Variants in ABTB2 observed in about 807,000 individuals in gnomAD.
The protein encoded by ABTB2 is ankyrin repeat and BTB domain containing 2, also known as ankyrin repeat and BTB/POZ domain-containing protein 2.
In ABTB2, 56 loss-of-function variants were observed where a neutral mutation model predicts 104.1. That is an observed-to-expected ratio of 0.54 (90% CI 0.43 to 0.67). The LOEUF (loss-of-function observed/expected upper bound fraction) is 0.67. Among genes scored for constraint, ABTB2 ranks in the 30% least tolerant of loss-of-function variants. The pLI is 0.00. For synonymous variants in ABTB2, 606 were observed against 608.2 expected, an observed-to-expected ratio of 1.00 and a Z score of 0.05; for missense variants, 1,279 against 1,407.7, an observed-to-expected ratio of 0.91 and a Z score of 1.46.
In ABTB2 at chr11:34,298,786, TTTTA is replaced by T. The variant is rs199569446; in HGVS notation, c.883+57911_883+57914del. On this transcript the variant is annotated intron_variant, in intron 1 of 16. Coordinates refer to ENST00000435224, the MANE Select transcript of ABTB2 (RefSeq NM_145804.3). Reference sequence around the variant, plus strand: ...CTAAACCCATTACTTTTAAAAGTCATTTTATTTGTGATCTTCTCATAAAAAACTG... The same window carrying T: ...CTAAACCCATTACTTTTAAAAGTCATTTTGTGATCTTCTCATAAAAAACTG... 6.8e-3 allele frequency among the ~76,000 whole-genome samples: 1,038 copies of T among 152,300 alleles called. 13 individuals are homozygous for T. Among genetic ancestry groups the T allele is most frequent in the African/African-American group, 0.024 (977 of 41,574 alleles).
intron 1 of ABTB2, among the ~76,000 whole-genome samples, chr11:34,212,449 CA>C (rs1182117845): frequency 1.3e-5 from 2 of 152,194 alleles, no homozygotes; most frequent in African/African-American, 2.4e-5. Context: ...GATGAACGAG[CA>C]TTTGAAACCC....
intron 14 of ABTB2, among the ~76,000 whole-genome samples, chr11:34,158,404 C>T (rs980973918): frequency 1.3e-5 from 2 of 152,026 alleles, no homozygotes; most frequent in Non-Finnish European, 2.9e-5. Flanking sequence ...CAGTGAGACT[C>T]CGTGTCAAAA....
chr11:34,157,972 C>G (rs969422643), intron 14 of ABTB2, among the ~76,000 whole-genome samples: 2 of 152,264 alleles, frequency 1.3e-5, no homozygotes, highest in Non-Finnish European at 2.9e-5. Flanking sequence ...TACTCAACCT[C>G]TCCATGCCTC....
At chr11:34,261,433 T>A (rs751020867) in intron 1 of ABTB2, among the ~76,000 whole-genome samples, 70 of 152,226 alleles carry the variant, frequency 4.6e-4, no homozygotes, top group Middle Eastern at 6.8e-3. Flanking sequence ...ATTTAACTTA[T>A]AGAAATCCTC....
chr11:34,322,626 A>C (rs1008740919), intron 1 of ABTB2, among the ~76,000 whole-genome samples: 1 of 152,016 alleles, frequency 6.6e-6, no homozygotes, highest in African/African-American at 2.4e-5. Context: ...AAAAAGAATA[A>C]ATTATTAATC....
At chr11:34,208,211 C>T (rs191132989) in intron 1 of ABTB2, among the ~76,000 whole-genome samples, 82 of 152,266 alleles carry the variant, frequency 5.4e-4, no homozygotes, top group African/African-American at 1.9e-3. Context: ...GCATAACGGG[C>T]CCAGGGCAAG....
In ABTB2 at chr11:34,266,359, A is replaced by C. The variant is rs188283037; in HGVS notation, c.884-61669T>G. On this transcript the variant is annotated intron_variant, in intron 1 of 16. Coordinates refer to ENST00000435224, the MANE Select transcript of ABTB2 (RefSeq NM_145804.3). ...CTCAGCCTCCCGAAGTGCTGGGATT[A>C]CAGGCATAAGCCACTGCACCTGGCC... Among the ~76,000 whole-genome samples, 7 of 152,300 alleles carry C rather than the reference A, an allele frequency of 4.6e-5. No homozygotes were observed. In the East Asian group the frequency reaches 1.4e-3, roughly 29 times the overall value.
At chr11:34,263,783 T>A (rs1429103531) in intron 1 of ABTB2, among the ~76,000 whole-genome samples, 1 of 152,090 alleles carries the variant, frequency 6.6e-6, no homozygotes, top group African/African-American at 2.4e-5. Context: ...AGGAGCCCTA[T>A]CTCCTAGCCC....
chr11:34,274,743 C>A (rs1011492128), intron 1 of ABTB2, among the ~76,000 whole-genome samples: 2 of 152,026 alleles, frequency 1.3e-5, no homozygotes, highest in African/African-American at 4.8e-5. Context: ...TTCTGCAGAA[C>A]CCTGTTTCAG....
intron 1 of ABTB2, among the ~76,000 whole-genome samples, chr11:34,263,192 G>C (rs1022739660): frequency 6.6e-6 from 1 of 151,998 alleles, no homozygotes; most frequent in African/African-American, 2.4e-5. Context: ...GGGTTGGGGG[G>C]ACACAGAGAG....
intron 1 of ABTB2, among the ~76,000 whole-genome samples, chr11:34,319,242 C>A (rs758192969): frequency 6.6e-6 from 1 of 152,228 alleles, no homozygotes; most frequent in Non-Finnish European, 1.5e-5. Context: ...ACAACCCCAC[C>A]GACTTCAGAT....
At chr11:34,321,966 C>T (rs1258779619) in intron 1 of ABTB2, among the ~76,000 whole-genome samples, 1 of 152,120 alleles carries the variant, frequency 6.6e-6, no homozygotes, top group Non-Finnish European at 1.5e-5. Flanking sequence ...CAAACTCATA[C>T]CCCCATTGCT....
Position 34,357,335 on chromosome 11 carries a change from G to T in ABTB2, c.249C>A (p.Asp83Glu). ...GGAGCCGCGGACAGCGCGAGAAGAG[G>T]TCGGCCACTTCGGGGTCCTCGGGCA... ...TVLPEDPEVADLFSRCPRLPE... is the reference protein window; with the variant it reads ...TVLPEDPEVAELFSRCPRLPE... The change falls in exon 1 of 17, where the codon GAC becomes GAA. Residue 83 changes from aspartate to glutamate, a missense_variant. Coordinates refer to ENST00000435224, the MANE Select transcript of ABTB2 (RefSeq NM_145804.3). The T allele has an allele frequency of 6.6e-7, 1 of 1,521,340 alleles. No individual in the cohort carries two copies. The highest frequency in any genetic ancestry group is 8.9e-7 in the Non-Finnish European group (1 of 1,128,792). The allele number at this position is 1,521,340 out of a possible 1,614,324, so 94.2% of individuals were successfully genotyped here. A position where few individuals can be genotyped will look rare whatever the true frequency, so the allele number is the denominator to read the frequency against.
intron 3 of ABTB2, among the ~76,000 whole-genome samples, chr11:34,173,695 T>C (rs1163898785): frequency 6.6e-6 from 1 of 152,032 alleles, no homozygotes; most frequent in Middle Eastern, 3.2e-3. Context: ...TTGGGGACCT[T>C]TCCCCCTCCA....
intron 1 of ABTB2, among the ~76,000 whole-genome samples, chr11:34,206,186 C>G (rs188503180): frequency 1.1e-3 from 168 of 152,162 alleles, no homozygotes; most frequent in African/African-American, 3.8e-3. Flanking sequence ...ACGGAGAAAC[C>G]CCATCTCTAT....
In ABTB2 at chr11:34,166,515, T is replaced by TGATAGG. The variant is rs576022353; in HGVS notation, c.1755+743_1755+744insCCTATC. Among the ~76,000 whole-genome samples, 628 of 152,332 alleles carry TGATAGG rather than the reference T, an allele frequency of 4.1e-3. 6 individuals carry two copies. Among genetic ancestry groups the TGATAGG allele is most frequent in the African/African-American group, 0.014 (598 of 41,564 alleles). On this transcript the variant is annotated intron_variant, in intron 7 of 16. Coordinates refer to ENST00000435224, the MANE Select transcript of ABTB2 (RefSeq NM_145804.3). ...GGGTAACAGCCACTCGCTGAGTCCT[T>TGATAGG]GTGATAGGCTAGGGCTGTGAATCAG...
At chr11:34,303,025 C>T (rs756342543) in intron 1 of ABTB2, among the ~76,000 whole-genome samples, 5 of 152,246 alleles carry the variant, frequency 3.3e-5, no homozygotes, top group Admixed American at 1.3e-4. Flanking sequence ...TCCTTCTCAA[C>T]ATTCCTGTCT....
chr11:34,174,132 A>C (rs1310595633), intron 3 of ABTB2, among the ~76,000 whole-genome samples: 2 of 152,092 alleles, frequency 1.3e-5, no homozygotes, highest in Non-Finnish European at 2.9e-5. Flanking sequence ...CAGGAGATCG[A>C]GATCATCCCG....
chr11:34,168,836 T>C (rs1446212389), intron 5 of ABTB2, among the ~76,000 whole-genome samples: 1 of 152,246 alleles, frequency 6.6e-6, no homozygotes, highest in Non-Finnish European at 1.5e-5. Context: ...TGGCTGGGAA[T>C]CCTCCTCTGT....
Sources: gnomAD v4.1 joint callset for allele counts (sites outside exome capture counted in the v4.1 genomes callset) on GRCh38, gnomAD v4.1.1 for gene constraint, MANE v1.5 for transcripts, NCBI Gene and HGNC (gene_info 2026-07-23, HGNC 2026-07-21) for gene names.